Variants in TMEM74 observed in about 807,000 individuals in gnomAD.
TMEM74 encodes transmembrane protein 74.
TMEM74 carries 13 observed loss-of-function variants against 18.1 expected under a neutral mutation model. The observed-to-expected ratio is 0.72, with a 90% CI of 0.47 to 1.14. The LOEUF is 1.14. Ranked by LOEUF, TMEM74 falls within the 50% of genes most tolerant of loss-of-function variation. The pLI is 0.00. For synonymous variants in TMEM74, 159 were observed against 146.6 expected (o/e 1.08, Z -0.61); for missense variants, 372 against 375.9 (o/e 0.99, Z 0.09).
intron 1 of TMEM74, among the ~76,000 whole-genome samples, chr8:108,746,119 G>T (rs911048715): frequency 6.6e-6 from 1 of 152,048 alleles, no homozygotes; most frequent in Non-Finnish European, 1.5e-5. Context: ...TTTGTCTGCG[G>T]CTCGTCCTGC....
chr8:108,705,698 G>A (rs1288503984), intron 1 of TMEM74, among the ~76,000 whole-genome samples: 1 of 151,868 alleles, frequency 6.6e-6, no homozygotes, highest in African/African-American at 2.4e-5. Context: ...TACCTTACAA[G>A]GTGGCTGCAG....
intron 1 of TMEM74, among the ~76,000 whole-genome samples, chr8:108,687,579 T>G (rs994529882): frequency 6.6e-6 from 1 of 152,046 alleles, no homozygotes; most frequent in Admixed American, 6.6e-5. Flanking sequence ...CAACTCACCA[T>G]AATGTAGAAT....
intron 2 of TMEM74, among the ~76,000 whole-genome samples, chr8:108,642,163 CT>C (rs1295114173): frequency 2.0e-5 from 3 of 152,030 alleles, no homozygotes; most frequent in African/African-American, 7.2e-5. Context: ...CTTTGGGAGG[CT>C]GACGCGGGTG....
Position 108,784,552 on chromosome 8 carries a change from A to G in TMEM74, c.547T>C (p.Leu183=), listed in dbSNP as rs748957990. The change falls in exon 2 of 2, where the codon TTG becomes CTG. Residue 183 remains leucine, a synonymous_variant. Coordinates refer to ENST00000297459, the MANE Select transcript of TMEM74 (RefSeq NM_153015.3). ...SIDYGFISAI[L]FLVTGILLVI... is the part of the protein sequence containing the mutation. ...AGCAGGATCCCAGTGACCAAGAACA[A>G]GATGGCGCTGATGAAACCATAGTCT... 8.7e-6 allele frequency: 14 copies of G among 1,614,140 alleles called. No homozygotes were observed. Among genetic ancestry groups the G allele is most frequent in the Non-Finnish European group, 9.3e-6 (11 of 1,180,028 alleles).
At chr8:108,630,139 T>C (rs1812536058) in intron 2 of TMEM74, among the ~76,000 whole-genome samples, 2 of 151,826 alleles carry the variant, frequency 1.3e-5, no homozygotes, top group African/African-American at 4.8e-5. Flanking sequence ...AATGGGGGAA[T>C]ATTTACCAAA....
At chr8:108,660,488 C>T (rs1404312234) in intron 1 of TMEM74, among the ~76,000 whole-genome samples, 1 of 152,172 alleles carries the variant, frequency 6.6e-6, no homozygotes, top group African/African-American at 2.4e-5. Flanking sequence ...CCCAAAACTT[C>T]ACTCACACCC....
chr8:108,622,161 C>T (rs895336247), intron 2 of TMEM74, among the ~76,000 whole-genome samples: 2 of 152,088 alleles, frequency 1.3e-5, no homozygotes, highest in Non-Finnish European at 2.9e-5. Flanking sequence ...CCCGGAAGTG[C>T]TGATGTTGCC....
chr8:108,724,763 G>A (rs1183824022), intron 1 of TMEM74, among the ~76,000 whole-genome samples: 3 of 151,992 alleles, frequency 2.0e-5, no homozygotes, highest in Non-Finnish European at 4.4e-5. Context: ...TATATTTTGG[G>A]GTGCACTGGG....
chr8:108,677,064 A>G (rs1186713403), intron 1 of TMEM74, among the ~76,000 whole-genome samples: 1 of 152,242 alleles, frequency 6.6e-6, no homozygotes, highest in African/African-American at 2.4e-5. Flanking sequence ...TTTAACCTTC[A>G]GCTGTAAAAT....
intron 2 of TMEM74, among the ~76,000 whole-genome samples, chr8:108,610,987 G>A (rs1184011193): frequency 6.6e-6 from 1 of 152,210 alleles, no homozygotes; most frequent in Non-Finnish European, 1.5e-5. Context: ...GGTGCTCAGA[G>A]AGTGGAAAGG....
intron 2 of TMEM74, among the ~76,000 whole-genome samples, chr8:108,638,818 C>A (rs1458670792): frequency 6.6e-6 from 1 of 151,996 alleles, no homozygotes; most frequent in Non-Finnish European, 1.5e-5. Context: ...CATTAATAGT[C>A]CCATTTTTTC....
intron 1 of TMEM74, among the ~76,000 whole-genome samples, chr8:108,753,050 G>C (rs1813919180): frequency 6.6e-6 from 1 of 151,942 alleles, no homozygotes; most frequent in Admixed American, 6.6e-5. Flanking sequence ...ATTTCAGTTT[G>C]TGTTCATTTT....
intron 1 of TMEM74, among the ~76,000 whole-genome samples, chr8:108,712,618 T>C (rs1045517968): frequency 2.6e-5 from 4 of 152,184 alleles, no homozygotes; most frequent in African/African-American, 7.2e-5. Context: ...TGACACTCCA[T>C]GCTAAGCATT....
chr8:108,786,598 G>A (rs1293694167), intron 1 of TMEM74, among the ~76,000 whole-genome samples: 1 of 152,116 alleles, frequency 6.6e-6, no homozygotes, highest in Non-Finnish European at 1.5e-5. Context: ...CCTGTTATCG[G>A]AGTTTCTCTA....
intron 2 of TMEM74, among the ~76,000 whole-genome samples, chr8:108,633,111 G>T (rs1321613888): frequency 6.6e-6 from 1 of 151,956 alleles, no homozygotes; most frequent in African/African-American, 2.4e-5. Flanking sequence ...TTGTTTCTGT[G>T]AAAAATCTGT....
intron 1 of TMEM74, among the ~76,000 whole-genome samples, chr8:108,719,005 C>CAT (rs751742751): frequency 7.8e-5 from 11 of 140,224 alleles, no homozygotes; most frequent in Admixed American, 2.9e-4. Context: ...TATATATACA[C>CAT]ATATATATAT....
At chr8:108,610,407 A>G (rs1312597111) in intron 2 of TMEM74, among the ~76,000 whole-genome samples, 2 of 152,220 alleles carry the variant, frequency 1.3e-5, no homozygotes, top group Non-Finnish European at 2.9e-5. Context: ...AAATAGAAAC[A>G]TGAATCTATG....
intron 1 of TMEM74, among the ~76,000 whole-genome samples, chr8:108,725,479 C>A (rs1563536068): frequency 6.6e-6 from 1 of 152,114 alleles, no homozygotes; most frequent in Non-Finnish European, 1.5e-5. Flanking sequence ...CCCTAATATT[C>A]TTTTAAATTA....
chr8:108,756,639 G>GAAGGAAGGAAGA (rs1554577381), intron 1 of TMEM74, among the ~76,000 whole-genome samples: 768 of 32,498 alleles, frequency 0.024, 59 homozygotes, highest in Non-Finnish European at 0.033. Context: ...AGGAAGGAAG[G>GAAGGAAGGAAGA]AAGAAAGAAA....
Sources: gnomAD v4.1 joint callset for allele counts (sites outside exome capture counted in the v4.1 genomes callset) on GRCh38, gnomAD v4.1.1 for gene constraint, MANE v1.5 for transcripts, NCBI Gene and HGNC (gene_info 2026-07-23, HGNC 2026-07-21) for gene names.